The following MAGI2 variants were observed in gnomAD, a reference collection of about 807,000 sequenced individuals.
MAGI2 encodes membrane-associated guanylate kinase, WW and PDZ domain-containing protein 2.
A neutral mutation model predicts 133.3 loss-of-function variants in MAGI2; 35 were observed. That is an observed-to-expected ratio of 0.26 (90% CI 0.20 to 0.35). The LOEUF (loss-of-function observed/expected upper bound fraction) is 0.35. Among genes scored for constraint, MAGI2 ranks in the 10% least tolerant of loss-of-function variants. The pLI, the probability that MAGI2 is intolerant of heterozygous loss-of-function variation, is 1.00. For missense variants in MAGI2, 1,636 were observed against 1,863.4 expected, an observed-to-expected ratio of 0.88 and a Z score of 2.25; for synonymous variants, 729 against 710.6, an observed-to-expected ratio of 1.03 and a Z score of -0.41.
chr7:78,857,576 A>G lies in MAGI2; in HGVS notation c.418+149514T>C, dbSNP rs552736034. Among the ~76,000 whole-genome samples, 3 of 152,254 alleles carry G rather than the reference A, an allele frequency of 2.0e-5. No homozygotes were observed. The South Asian group carries it at 6.2e-4, about 32-fold the overall frequency. ...ACGTTTATTGATTTGCATATGTTGA[A>G]CCAGCCTTGCATCCCAGGGATGAAG... On this transcript the variant is annotated intron_variant, in intron 2 of 21. Transcript: ENST00000354212.
intron 6 of MAGI2, among the ~76,000 whole-genome samples, chr7:78,386,003 CT>C (rs1217684431): frequency 2.2e-4 from 33 of 147,618 alleles, no homozygotes; most frequent in Admixed American, 4.6e-4. Flanking sequence ...ACTTCCCCCC[CT>C]AGCTCAAACA....
At chr7:78,237,742 G>T (rs998774528) in intron 10 of MAGI2, among the ~76,000 whole-genome samples, 1 of 152,034 alleles carries the variant, frequency 6.6e-6, no homozygotes, top group Non-Finnish European at 1.5e-5. Flanking sequence ...GATCACCCAG[G>T]ATAATAATGA....
chr7:78,342,140 G>A lies in MAGI2; in HGVS notation c.1408+1638C>T, dbSNP rs571534894. Among the ~76,000 whole-genome samples, 5 of 151,906 alleles carry A rather than the reference G, an allele frequency of 3.3e-5. No homozygotes were observed. The East Asian group carries it at 9.7e-4, about 29-fold the overall frequency. On this transcript the variant is annotated intron_variant, in intron 9 of 21. Transcript: ENST00000354212. ...AAAAAAAAAACCCTATGAAAAAGTGGGCAAAGGATATGAACAGACACTTCT... is the reference window on the plus strand; with the variant it reads ...AAAAAAAAAACCCTATGAAAAAGTGAGCAAAGGATATGAACAGACACTTCT...
Position 78,425,790 on chromosome 7 carries a change from A to C in MAGI2, c.1046-56577T>G, listed in dbSNP as rs181373488. Among the ~76,000 whole-genome samples the C allele has an allele frequency of 2.6e-3, 391 of 152,354 alleles. 10 individuals carry two copies. Among genetic ancestry groups the C allele is most frequent in the African/African-American group, 2.1e-3 (88 of 41,590 alleles). On this transcript the variant is annotated intron_variant, in intron 6 of 21. Coordinates refer to ENST00000354212, the MANE Select transcript of MAGI2 (RefSeq NM_012301.4). ...AGAATGATTCCTTAAAGTAAGAGGC[A>C]TATCATTGGGTTAAGTTCAAAGTCA...
At chr7:79,089,978 T>C (rs1816907531) in intron 1 of MAGI2, among the ~76,000 whole-genome samples, 1 of 151,986 alleles carries the variant, frequency 6.6e-6, no homozygotes, top group Admixed American at 6.6e-5. Context: ...ATTCTGCACA[T>C]GTATCCCAGA....
intron 2 of MAGI2, among the ~76,000 whole-genome samples, chr7:78,743,143 T>C (rs1585261311): frequency 2.0e-5 from 3 of 152,326 alleles, no homozygotes; most frequent in Admixed American, 2.0e-4. Context: ...CATTATGTTT[T>C]GAAGTGATTT....
chr7:78,776,771 TG>T (rs1418959796), intron 2 of MAGI2, among the ~76,000 whole-genome samples: 1 of 152,232 alleles, frequency 6.6e-6, no homozygotes, highest in Non-Finnish European at 1.5e-5. Context: ...ATGGGAATTA[TG>T]ATGGTCGCAT....
At chr7:78,124,154 C>T (rs2150506201) in intron 20 of MAGI2, among the ~76,000 whole-genome samples, 1 of 152,320 alleles carries the variant, frequency 6.6e-6, no homozygotes, top group Admixed American at 6.5e-5. Flanking sequence ...ACATGGTCTT[C>T]CTACTGTGTT....
chr7:78,546,764 G>A (rs149535423), intron 3 of MAGI2, among the ~76,000 whole-genome samples: 1 of 152,088 alleles, frequency 6.6e-6, no homozygotes, highest in Admixed American at 6.6e-5. Flanking sequence ...GAGGCTTAAA[G>A]CTGTTTTGTG....
chr7:78,972,238 C>T (rs1435122077), intron 2 of MAGI2, among the ~76,000 whole-genome samples: 2 of 151,836 alleles, frequency 1.3e-5, no homozygotes, highest in Non-Finnish European at 2.9e-5. Context: ...CTATAACCTG[C>T]TAAAATATAC....
intron 1 of MAGI2, among the ~76,000 whole-genome samples, chr7:79,096,540 C>G (rs1365897619): frequency 5.3e-5 from 8 of 152,172 alleles, no homozygotes. Flanking sequence ...TTGGGTGCAT[C>G]ATCTGCTTCC....
chr7:79,198,066 G>A (rs1828248981), intron 1 of MAGI2, among the ~76,000 whole-genome samples: 1 of 151,752 alleles, frequency 6.6e-6, no homozygotes, highest in African/African-American at 2.4e-5. Context: ...GGGCAATATA[G>A]TGAGACCCCG....
chr7:78,078,897 A>G (rs570212816), intron 21 of MAGI2, 50 bp downstream of exon 21: 84 of 1,611,108 alleles, frequency 5.2e-5, no homozygotes, highest in Non-Finnish European at 6.8e-5. Flanking sequence ...ATAAGCATTT[A>G]TGGTTCACAG....
intron 1 of MAGI2, among the ~76,000 whole-genome samples, chr7:79,312,134 T>C (rs998520816): frequency 2.0e-5 from 3 of 152,166 alleles, no homozygotes; most frequent in Non-Finnish European, 4.4e-5. Flanking sequence ...TGCCCTTCAA[T>C]GGAAATTTTT....
intron 13 of MAGI2, among the ~76,000 whole-genome samples, chr7:78,180,522 A>G (rs894809360): frequency 2.0e-5 from 3 of 152,172 alleles, no homozygotes; most frequent in Admixed American, 6.6e-5. Flanking sequence ...TAGGAGAAAA[A>G]TCTAGATTTT....
chr7:78,805,545 G>T, intron 2 of MAGI2, among the ~76,000 whole-genome samples: 1 of 152,224 alleles, frequency 6.6e-6, no homozygotes, highest in African/African-American at 2.4e-5. Flanking sequence ...CACAATAGAT[G>T]CACTAGACAG....
intron 3 of MAGI2, among the ~76,000 whole-genome samples, chr7:78,525,512 A>C (rs1264833512): frequency 6.6e-6 from 1 of 152,232 alleles, no homozygotes; most frequent in Non-Finnish European, 1.5e-5. Flanking sequence ...AATAAATATC[A>C]AAACTGTTTT....
Position 78,313,980 on chromosome 7 carries a change from A to ACC in MAGI2, c.1408+29796_1408+29797dup, listed in dbSNP as rs1787146765. ...ACATGAATTAACCTATACTAAGTTA[A>ACC]CCCACACTAAGATGCTGTTCACTTT... On this transcript the variant is annotated intron_variant, in intron 9 of 21. Transcript: ENST00000354212. Among the ~76,000 whole-genome samples the ACC allele has an allele frequency of 2.0e-5, 3 of 152,232 alleles. No homozygotes were observed. The South Asian group carries it at 6.2e-4, about 32-fold the overall frequency.
chr7:79,146,956 C>A (rs772489933), intron 1 of MAGI2, among the ~76,000 whole-genome samples: 17 of 152,164 alleles, frequency 1.1e-4, no homozygotes, highest in Non-Finnish European at 2.1e-4. Flanking sequence ...ACCTCTTACC[C>A]GAAGCAAGAG....
Sources: gnomAD v4.1 joint callset for allele counts (sites outside exome capture counted in the v4.1 genomes callset) on GRCh38, gnomAD v4.1.1 for gene constraint, MANE v1.5 for transcripts, NCBI Gene and HGNC (gene_info 2026-07-23, HGNC 2026-07-21) for gene names.